The following TRIM37 variants were observed in gnomAD, a reference collection of about 807,000 sequenced individuals.
TRIM37 encodes tripartite motif containing 37.
Under a neutral mutation model 129.8 loss-of-function variants are expected in TRIM37, and 80 were observed. That is an observed-to-expected ratio of 0.62 (90% CI 0.51 to 0.74). The LOEUF is 0.74. Among genes scored for constraint, TRIM37 ranks in the 30% least tolerant of loss-of-function variants. The pLI is 0.00. For missense variants in TRIM37, 1,054 were observed against 1,176.5 expected (o/e 0.90, Z 1.52); for synonymous variants, 389 against 387.1 (o/e 1.00, Z -0.06).
At chr17:59,052,957 A>AAAATCAAATCAAATC (rs60696585) in intron 13 of TRIM37, among the ~76,000 whole-genome samples, 3,201 of 142,414 alleles carry the variant, frequency 0.022, 50 homozygotes, top group Middle Eastern at 0.079. Context: ...TCTGTCTCAA[A>AAAATCAAATCAAATC]AAATCAAATC....
chr17:59,048,186 C>T (rs1192478331), intron 15 of TRIM37, among the ~76,000 whole-genome samples: 1 of 152,090 alleles, frequency 6.6e-6, no homozygotes, highest in African/African-American at 2.4e-5. Flanking sequence ...AAAAAAATAC[C>T]CACTATTAAG....
At chr17:59,048,062 C>T (rs2039991529) in intron 15 of TRIM37, among the ~76,000 whole-genome samples, 1 of 152,200 alleles carries the variant, frequency 6.6e-6, no homozygotes, top group Non-Finnish European at 1.5e-5. Flanking sequence ...GAATCCTTCA[C>T]ATATTCCACA....
At chr17:59,046,411 G>A (rs920336771) in intron 16 of TRIM37, among the ~76,000 whole-genome samples, 3 of 152,118 alleles carry the variant, frequency 2.0e-5, no homozygotes, top group African/African-American at 4.8e-5. Context: ...TATCATTTCC[G>A]TAGTATCCCT....
At chr17:59,080,580 C>T (rs2043169753) in intron 6 of TRIM37, among the ~76,000 whole-genome samples, 1 of 152,172 alleles carries the variant, frequency 6.6e-6, no homozygotes, top group Non-Finnish European at 1.5e-5. Flanking sequence ...ATCACGACGT[C>T]AGGAGTTTGA....
intron 12 of TRIM37, among the ~76,000 whole-genome samples, chr17:59,059,790 C>T (rs2041311085): frequency 6.6e-6 from 1 of 152,176 alleles, no homozygotes; most frequent in Non-Finnish European, 1.5e-5. Flanking sequence ...TTAGGTGGGT[C>T]CAGAGCAGTG....
chr17:59,073,033 A>G (rs901001538), intron 8 of TRIM37: 1 of 152,332 alleles, frequency 6.6e-6, no homozygotes, highest in Admixed American at 6.5e-5. Flanking sequence ...ATCACTGTGT[A>G]TATGTACATA....
At chr17:59,037,106 C>G (rs1013339199) in intron 17 of TRIM37, among the ~76,000 whole-genome samples, 1 of 151,820 alleles carries the variant, frequency 6.6e-6, no homozygotes, top group Non-Finnish European at 1.5e-5. Flanking sequence ...TACAGCAAGG[C>G]TCCATCTCAA....
intron 14 of TRIM37, among the ~76,000 whole-genome samples, chr17:59,049,741 T>C (rs2146147768): frequency 6.6e-6 from 1 of 152,282 alleles, no homozygotes; most frequent in African/African-American, 2.4e-5. Flanking sequence ...CAAATGTTCC[T>C]CTGGCCTCGG....
At chr17:59,010,487 A>C (rs1247587390) in intron 22 of TRIM37, among the ~76,000 whole-genome samples, 2 of 152,146 alleles carry the variant, frequency 1.3e-5, no homozygotes, top group Non-Finnish European at 2.9e-5. Context: ...GCATGAAAAA[A>C]ATGAGCTTGT....
chr17:58,991,563 T>G (rs780537255), intron 24 of TRIM37, among the ~76,000 whole-genome samples: 1 of 152,322 alleles, frequency 6.6e-6, no homozygotes, highest in East Asian at 1.9e-4. Flanking sequence ...ACTCATTTTA[T>G]GAGGTCAGCA....
At chr17:59,013,232 C>T (rs71372868) in intron 21 of TRIM37, among the ~76,000 whole-genome samples, 1 of 152,158 alleles carries the variant, frequency 6.6e-6, no homozygotes, top group Non-Finnish European at 1.5e-5. Flanking sequence ...CAACCGCTGC[C>T]TCCTGGGCTC....
chr17:59,009,692 C>T (rs2035015558), intron 22 of TRIM37, among the ~76,000 whole-genome samples: 1 of 152,162 alleles, frequency 6.6e-6, no homozygotes, highest in Non-Finnish European at 1.5e-5. Context: ...GTGATCCACC[C>T]TCCTTGGCCT....
intron 22 of TRIM37, among the ~76,000 whole-genome samples, chr17:59,003,284 A>G (rs1194044266): frequency 6.6e-6 from 1 of 152,234 alleles, no homozygotes; most frequent in Non-Finnish European, 1.5e-5. Flanking sequence ...AAGAGGGGGA[A>G]AAAAGTCTTA....
chr17:59,035,873 C>G (rs1463309812), intron 17 of TRIM37, among the ~76,000 whole-genome samples: 1 of 152,124 alleles, frequency 6.6e-6, no homozygotes, highest in Non-Finnish European at 1.5e-5. Context: ...TTGTGCCAAG[C>G]CATATGGATC....
intron 21 of TRIM37, among the ~76,000 whole-genome samples, chr17:59,013,021 C>T (rs1175340503): frequency 6.6e-6 from 1 of 152,072 alleles, no homozygotes; most frequent in Non-Finnish European, 1.5e-5. Flanking sequence ...TACACAGGAT[C>T]TCTCTGCATT....
intron 7 of TRIM37, 96 bp downstream of exon 7, chr17:59,079,658 G>A: frequency 1.3e-6 from 2 of 1,503,702 alleles, no homozygotes; most frequent in South Asian, 2.3e-5. Flanking sequence ...AAAATCTCAA[G>A]ATTCCTTCCT....
Position 59,051,248 on chromosome 17 carries a change from G to A in TRIM37, c.1280C>T (p.Thr427Ile). The A allele has an allele frequency of 2.5e-6, 4 of 1,613,572 alleles. No individual in the cohort carries two copies. The highest frequency in any genetic ancestry group is 3.4e-6 in the Non-Finnish European group (4 of 1,179,602). The change falls in exon 14 of 24, where the codon ACT becomes ATT. Residue 427 changes from threonine (T) to isoleucine (I), a missense_variant. This residue lies in a region of TRIM37 where 752 missense variants were observed against 870.8 expected (regional missense o/e 0.86). Transcript: ENST00000262294. ...WYITQLEAAQ[T>I]SYIQQINNLK... ...GTTGTTTATTTGTTGGATATAACTA[G>A]TCTGTGCAGCTTCCAACTGAGTAAT...
At chr17:59,072,301 GTCAT>G (rs1283535224) in intron 8 of TRIM37, among the ~76,000 whole-genome samples, 2 of 152,168 alleles carry the variant, frequency 1.3e-5, no homozygotes, top group Non-Finnish European at 2.9e-5. Flanking sequence ...AAGTCTCACA[GTCAT>G]TGGTATTTTG....
At chr17:59,104,470 T>C (rs771670604) in intron 1 of TRIM37, 76 bp from the exon 2 acceptor site, 15 of 1,267,780 alleles carry the variant, frequency 1.2e-5, no homozygotes, top group South Asian at 3.6e-5. Flanking sequence ...TCAAAACAAC[T>C]TGACATTTAC....
Sources: allele counts gnomAD v4.1 joint callset (sites outside exome capture counted in the v4.1 genomes callset), GRCh38; gene constraint gnomAD v4.1.1; regional missense constraint gnomAD v4.1.1; transcripts MANE v1.5; gene names NCBI Gene and HGNC (gene_info 2026-07-23, HGNC 2026-07-21).